CCDC66: variants seen among roughly 807,000 people sequenced by gnomAD.
CCDC66 encodes the protein coiled-coil domain containing 66.
A neutral mutation model predicts 128.3 loss-of-function variants in CCDC66; 133 were observed. That is an observed-to-expected ratio of 1.04 (90% CI 0.90 to 1.20). The LOEUF (loss-of-function observed/expected upper bound fraction) is 1.20, where lower values mean the gene tolerates loss of function less well. Among genes scored for constraint, CCDC66 ranks in the 50% most tolerant of loss-of-function variants. The pLI is 0.00. For synonymous variants in CCDC66, 387 were observed against 357.0 expected, an observed-to-expected ratio of 1.08 and a Z score of -0.95; for missense variants, 1,126 against 1,075.5, an observed-to-expected ratio of 1.05 and a Z score of -0.66.
intron 6 of CCDC66, among the ~76,000 whole-genome samples, chr3:56,567,858 T>G (rs1205522924): frequency 6.6e-6 from 1 of 151,710 alleles, no homozygotes; most frequent in African/African-American, 2.4e-5. Context: ...CCCGGCTAAT[T>G]TTTTTGTATT....
In CCDC66 at chr3:56,574,412, A is replaced by G. The variant is rs1379826863; in HGVS notation, c.936+3110A>G. Among the ~76,000 whole-genome samples, 11 of 151,754 alleles carry G rather than the reference A, an allele frequency of 7.2e-5. No individual in the cohort carries two copies. In the Admixed American group the frequency reaches 7.3e-4, roughly 10 times the overall value. On this transcript the variant is annotated intron_variant, in intron 7 of 17. Transcript: ENST00000394672. ...ATGTATTTGTATGCGAATGTGGTAC[A>G]AAATTGGAGAGATGTTATTGAGGGA...
Position 56,617,238 on chromosome 3 carries a change from AAAAC to A in CCDC66, c.1973_1976del (p.Asn658SerfsTer4). 4 of 1,614,052 alleles carry A rather than the reference AAAAC, an allele frequency of 2.5e-6. No individual in the cohort carries two copies. Among genetic ancestry groups the A allele is most frequent in the South Asian group, 1.1e-5 (1 of 91,046 alleles). ...CTTATTGGACAGTTTAGCACCAAGA[AAAAC>A]AAGCAAGAACTAACTCAGGATAAAG... is the stretch of plus-strand genomic sequence containing the variant. On this transcript the variant is annotated frameshift_variant, in exon 14 of 18. Coordinates refer to ENST00000394672, the MANE Select transcript of CCDC66 (RefSeq NM_001141947.3). LOFTEE classifies it high-confidence loss of function.
At chr3:56,566,883 T>C in intron 5 of CCDC66, 67 bp from the exon 6 acceptor site, 2 of 1,491,790 alleles carry the variant, frequency 1.3e-6, no homozygotes, top group South Asian at 1.2e-5. Context: ...TATTACTTAA[T>C]ATTTATGGAG....
intron 7 of CCDC66, among the ~76,000 whole-genome samples, chr3:56,584,139 G>A (rs1241987799): frequency 5.8e-5 from 7 of 120,722 alleles, no homozygotes; most frequent in East Asian, 5.1e-4. Context: ...CGGACGGGGC[G>A]GCTGGCCGGG....
At chr3:56,599,436 AC>A (rs1248716325) in intron 10 of CCDC66, among the ~76,000 whole-genome samples, 1 of 151,424 alleles carries the variant, frequency 6.6e-6, no homozygotes, top group Non-Finnish European at 1.5e-5. Context: ...ATTTCTTTCC[AC>A]TAATTTGGGG....
At chr3:56,610,768 A>G (rs1034880479) in intron 10 of CCDC66, among the ~76,000 whole-genome samples, 16 of 152,122 alleles carry the variant, frequency 1.1e-4, no homozygotes, top group African/African-American at 3.4e-4. Flanking sequence ...GGTGTTCCCT[A>G]TGTATTACGC....
At chr3:56,616,154 CTT>C in intron 13 of CCDC66, 101 bp downstream of exon 13, 1 of 1,056,390 alleles carries the variant, frequency 9.5e-7, no homozygotes, top group Non-Finnish European at 1.4e-6. Flanking sequence ...ATTAACAAAA[CTT>C]GAGGTTTTCA....
chr3:56,584,268 G>A lies in CCDC66; in HGVS notation c.937-8702G>A, dbSNP rs186165086. Among the ~76,000 whole-genome samples the A allele has an allele frequency of 9.1e-3, 1,222 of 134,904 alleles. 1 individual carries two copies. The highest frequency in any genetic ancestry group is 0.019 in the Middle Eastern group (4 of 214). The allele number at this position is 134,904 out of a possible 152,430, so 88.5% of individuals were successfully genotyped here. On this transcript the variant is annotated intron_variant, in intron 7 of 17. Coordinates refer to ENST00000394672, the MANE Select transcript of CCDC66 (RefSeq NM_001141947.3). Reference sequence around the variant, plus strand: ...TCACTTCTCAGACGGGGCGGCTGCCGGGCGGAGGGGCTCCTCACTTCTCAG... The same window carrying A: ...TCACTTCTCAGACGGGGCGGCTGCCAGGCGGAGGGGCTCCTCACTTCTCAG...
intron 12 of CCDC66, 116 bp downstream of exon 12, chr3:56,615,388 T>C: frequency 1.0e-6 from 1 of 1,002,514 alleles, no homozygotes; most frequent in South Asian, 2.0e-5. Context: ...TAGAGTGCAG[T>C]GGTGCCATCA....
At chr3:56,608,815 G>C (rs551022152) in intron 10 of CCDC66, among the ~76,000 whole-genome samples, 1 of 151,998 alleles carries the variant, frequency 6.6e-6, no homozygotes, top group Non-Finnish European at 1.5e-5. Flanking sequence ...CATTACTGTC[G>C]TTCAGTTCAA....
Position 56,618,204 on chromosome 3 carries a change from CAAGGA to C in CCDC66, c.2375_2378+1del. ...AGCCTCTGAATATTCATTCATTCAG[CAAGGA>C]AAGGTAAGTATGCATCAGATTAATT... On this transcript the variant is annotated frameshift_variant, in exon 15 of 18. Coordinates refer to ENST00000394672, the MANE Select transcript of CCDC66 (RefSeq NM_001141947.3). LOFTEE classifies it high-confidence loss of function. 6.2e-7 allele frequency: 1 copy of C among 1,612,822 alleles called. No homozygotes were observed. The highest frequency in any genetic ancestry group is 1.1e-5 in the South Asian group (1 of 91,042).
At chr3:56,594,350 C>G (rs998020168) in intron 10 of CCDC66, among the ~76,000 whole-genome samples, 10 of 147,408 alleles carry the variant, frequency 6.8e-5, no homozygotes, top group Non-Finnish European at 3.0e-5. Flanking sequence ...GATGAGAATT[C>G]ATTCTTTGAA....
rs1283121549 is a variant in CCDC66, at chr3:56,573,748, GAGGGAGGAGGTATAA to G, written c.936+2447_936+2461del. ...TTAGGCTAAATAGTGGTTAGCCAGG[GAGGGAGGAGGTATAA>G]TGTGGTGTGTCTGATTTCCCCATCC... On this transcript the variant is annotated intron_variant, in intron 7 of 17. Transcript: ENST00000394672. 3.7e-3 allele frequency among the ~76,000 whole-genome samples: 556 copies of G among 150,806 alleles called. 10 individuals carry two copies. The East Asian group carries it at 0.038, about 10-fold the overall frequency.
chr3:56,582,489 G>A (rs531156566), intron 7 of CCDC66, among the ~76,000 whole-genome samples: 3 of 151,862 alleles, frequency 2.0e-5, no homozygotes, highest in African/African-American at 7.2e-5. Context: ...CACGCTGGAA[G>A]CTGCAGACTG....
intron 7 of CCDC66, among the ~76,000 whole-genome samples, chr3:56,584,092 C>G (rs1235068758): frequency 7.9e-6 from 1 of 126,614 alleles, no homozygotes; most frequent in African/African-American, 3.1e-5. Context: ...CCGGACGGGG[C>G]GGCTGGCCGG....
intron 7 of CCDC66, among the ~76,000 whole-genome samples, chr3:56,583,135 G>A (rs1210001487): frequency 6.6e-6 from 1 of 151,554 alleles, no homozygotes; most frequent in Non-Finnish European, 1.5e-5. Flanking sequence ...CCAAAGGGCT[G>A]GGATTATAGG....
intron 7 of CCDC66, among the ~76,000 whole-genome samples, chr3:56,582,588 G>C (rs1251513743): frequency 6.6e-6 from 1 of 151,662 alleles, no homozygotes; most frequent in Non-Finnish European, 1.5e-5. Context: ...ATATAGATTA[G>C]TATGTAGAAA....
At position 56,619,283 on chromosome 3, in the gene CCDC66, A is replaced by C. The variant is rs2076023354; in HGVS notation, c.2391A>C (p.Ser797=). The C allele has an allele frequency of 6.3e-7, 1 of 1,597,214 alleles. No homozygotes were observed. The highest frequency in any genetic ancestry group is 8.5e-7 in the Non-Finnish European group (1 of 1,173,662). Reference sequence around the variant, plus strand: ...TTTTTTTAAATAGGTCTCCATCATCACCAGTTCCAGTAGTGAAAAACAGAA... The same window carrying C: ...TTTTTTTAAATAGGTCTCCATCATCCCCAGTTCCAGTAGTGAAAAACAGAA... ...HSFSKERSPS[S]PVPVVKNRTQ... is the part of the protein sequence containing the mutation. Residue 797 remains serine, a synonymous_variant, in exon 16 of 18, where the codon TCA becomes TCC. Coordinates refer to ENST00000394672, the MANE Select transcript of CCDC66 (RefSeq NM_001141947.3).
intron 10 of CCDC66, among the ~76,000 whole-genome samples, chr3:56,604,752 A>G (rs2073812417): frequency 6.6e-6 from 1 of 151,812 alleles, no homozygotes; most frequent in South Asian, 2.1e-4. Context: ...TCTGATGATT[A>G]TGTGTCTTTG....
Sources: allele counts gnomAD v4.1 joint callset (sites outside exome capture counted in the v4.1 genomes callset), GRCh38; gene constraint gnomAD v4.1.1; transcripts MANE v1.5; gene names NCBI Gene and HGNC (gene_info 2026-07-23, HGNC 2026-07-21).